Variants in PPP1R16A observed in about 807,000 individuals in gnomAD.
PPP1R16A encodes the protein protein phosphatase 1 regulatory subunit 16A.
A neutral mutation model predicts 46.6 loss-of-function variants in PPP1R16A; 39 were observed. The observed-to-expected ratio is 0.84, with a 90% confidence interval of 0.65 to 1.09. The LOEUF is 1.09. Among genes scored for constraint, PPP1R16A ranks in the 50% least tolerant of loss-of-function variants. The pLI is 0.00. For synonymous variants in PPP1R16A, 413 were observed against 321.5 expected, an observed-to-expected ratio of 1.28 and a Z score of -3.04; for missense variants, 798 against 735.6, an observed-to-expected ratio of 1.08 and a Z score of -0.98.
At chr8:144,488,459 G>A (rs1297945003) in intron 1 of PPP1R16A, among the ~76,000 whole-genome samples, 1 of 152,132 alleles carries the variant, frequency 6.6e-6, no homozygotes, top group African/African-American at 2.4e-5. Flanking sequence ...GAGTGTTGGA[G>A]TCAGGGCTTG....
intron 3 of PPP1R16A, chr8:144,497,763 A>G: frequency 4.0e-6 from 2 of 503,484 alleles, no homozygotes; most frequent in Non-Finnish European, 7.3e-6. Flanking sequence ...AGAAAAACCT[A>G]GTGCGGGGCC....
At position 144,500,375 on chromosome 8, in the gene PPP1R16A, A is replaced by T. The variant is rs979974848; in HGVS notation, c.689A>T (p.Asp230Val). ...QAGADLHAPLDHGATLLHVAA... is the reference protein window; with the variant it reads ...QAGADLHAPLVHGATLLHVAA... ...GGGGCAGACCTCCATGCCCCCCTGGACCACGGGGCCACGCTGGTGAGGGCT... is the reference window on the plus strand; with the variant it reads ...GGGGCAGACCTCCATGCCCCCCTGGTCCACGGGGCCACGCTGGTGAGGGCT... Residue 230 changes from aspartate to valine, a missense_variant, in exon 7 of 12, where the codon GAC becomes GTC. By Grantham distance (152) the Asp-to-Val change is radical. Transcript: ENST00000435887. The T allele has an allele frequency of 2.6e-6, 4 of 1,530,688 alleles. No homozygotes were observed. In the African/African-American group the frequency reaches 5.5e-5, roughly 21 times the overall value. 94.8% of individuals were successfully genotyped at this position (1,530,688 alleles called of 1,614,324 possible).
chr8:144,482,797 C>T (rs1412442507), intron 1 of PPP1R16A, among the ~76,000 whole-genome samples: 1 of 151,936 alleles, frequency 6.6e-6, no homozygotes, highest in Non-Finnish European at 1.5e-5. Flanking sequence ...TACAGGCGCC[C>T]GCCACCACGT....
Position 144,501,531 on chromosome 8 carries a change from C to A in PPP1R16A, c.1215C>A (p.Pro405=). Reference sequence around the variant, plus strand: ...TTCACTGCCCGCAGGAGGACAACCCCGAAGTGGTCAGGCCGCACAATGGCC... The same window carrying A: ...TTCACTGCCCGCAGGAGGACAACCCAGAAGTGGTCAGGCCGCACAATGGCC... ...LRPPPPEEDN[P]EVVRPHNGRV... is the part of the protein sequence containing the mutation. Residue 405 remains proline (P), a synonymous_variant, in exon 12 of 12, where the codon CCC becomes CCA. Transcript: ENST00000435887. 1 of 1,565,046 alleles carries A rather than the reference C, an allele frequency of 6.4e-7. No homozygotes were observed. Among genetic ancestry groups the A allele is most frequent in the Non-Finnish European group, 8.7e-7 (1 of 1,155,304 alleles).
chr8:144,480,847 T>C (rs991058616), intron 1 of PPP1R16A, among the ~76,000 whole-genome samples: 1 of 152,092 alleles, frequency 6.6e-6, no homozygotes, highest in Non-Finnish European at 1.5e-5. Context: ...GCACCTATTT[T>C]AATGGGTTTT....
At position 144,497,206 on chromosome 8, in the gene PPP1R16A, C is replaced by T. The variant is rs1826116114; in HGVS notation, c.12C>T (p.His4=). The T allele has an allele frequency of 1.9e-6, 3 of 1,577,106 alleles. No homozygotes were observed. Among genetic ancestry groups the T allele is most frequent in the Non-Finnish European group, 1.7e-6 (2 of 1,163,802 alleles). MAE[H]LELLAEMPMV... Reference sequence around the variant, plus strand: ...AAGCAGCCGCCGCCATGGCCGAGCACCTGGAGCTGCTGGCAGAGATGCCCA... The same window carrying T: ...AAGCAGCCGCCGCCATGGCCGAGCATCTGGAGCTGCTGGCAGAGATGCCCA... Residue 4 remains histidine, a synonymous_variant, in exon 3 of 12, where the codon CAC becomes CAT. Transcript: ENST00000435887.
Position 144,501,724 on chromosome 8 carries a change from C to G in PPP1R16A, c.1408C>G (p.Arg470Gly). 6.3e-7 allele frequency: 1 copy of G among 1,589,164 alleles called. No homozygotes were observed. Among genetic ancestry groups the G allele is most frequent in the Non-Finnish European group, 8.6e-7 (1 of 1,168,906 alleles). ...CCAGCGAGCTGCTGCCAAGCTGCAG[C>G]GACCCCCACCTGAGGGGCCCGAGAG... ...KRQRAAAKLQRPPPEGPESPE... is the reference protein window; with the variant it reads ...KRQRAAAKLQGPPPEGPESPE... Residue 470 changes from arginine (R) to glycine (G), a missense_variant, in exon 12 of 12, where the codon CGA becomes GGA. Coordinates refer to ENST00000435887, the MANE Select transcript of PPP1R16A (RefSeq NM_001329443.2).
At chr8:144,499,219 G>A (rs747170009) in intron 5 of PPP1R16A, 158 bp downstream of exon 5, 2 of 966,224 alleles carry the variant, frequency 2.1e-6, no homozygotes, top group Admixed American at 2.9e-5. Flanking sequence ...GCAGGGCCTG[G>A]GGCTCCAGGG....
intron 3 of PPP1R16A, chr8:144,498,347 A>G (rs1283073858): frequency 1.5e-5 from 5 of 338,502 alleles, no homozygotes; most frequent in Non-Finnish European, 3.0e-5. Context: ...GGTGGTGGGG[A>G]GCCTCAGGTC....
At chr8:144,479,509 TG>T (rs1825315783) in intron 1 of PPP1R16A, among the ~76,000 whole-genome samples, 1 of 152,144 alleles carries the variant, frequency 6.6e-6, no homozygotes, top group African/African-American at 2.4e-5. Flanking sequence ...GACTCTGCTT[TG>T]CCCCGAGGGT....
intron 5 of PPP1R16A, chr8:144,499,760 G>A (rs1007586613): frequency 4.4e-5 from 13 of 296,070 alleles, no homozygotes; most frequent in African/African-American, 1.9e-4. Context: ...GCCCCTCAGC[G>A]TGGCTGCCTG....
At chr8:144,497,552 A>G in intron 3 of PPP1R16A, 99 bp downstream of exon 3, 2 of 1,528,264 alleles carry the variant, frequency 1.3e-6, no homozygotes, top group South Asian at 1.1e-5. Context: ...GCCTGTCCAC[A>G]GCTCCTGGGC....
intron 1 of PPP1R16A, among the ~76,000 whole-genome samples, chr8:144,483,228 A>G (rs1825509142): frequency 6.6e-6 from 1 of 152,170 alleles, no homozygotes; most frequent in Non-Finnish European, 1.5e-5. Context: ...TGTGTAAAGT[A>G]GGTTTCCTCA....
At chr8:144,499,792 G>A (rs1826315527) in intron 5 of PPP1R16A, 1 of 370,140 alleles carries the variant, frequency 2.7e-6, no homozygotes. Flanking sequence ...CCGCCACCCT[G>A]TGCTCCCTGC....
chr8:144,485,524 G>GA (rs1425294699), intron 1 of PPP1R16A, among the ~76,000 whole-genome samples: 2 of 109,930 alleles, frequency 1.8e-5, no homozygotes, highest in Non-Finnish European at 4.1e-5. Flanking sequence ...ACTCCATCTC[G>GA]GGAAAAAAAA....
chr8:144,480,489 T>C (rs927833460), intron 1 of PPP1R16A, among the ~76,000 whole-genome samples: 2 of 151,102 alleles, frequency 1.3e-5, no homozygotes, highest in Non-Finnish European at 2.9e-5. Flanking sequence ...AATTTTTATA[T>C]CTTTTTTTTT....
chr8:144,488,509 G>A (rs937069549), intron 1 of PPP1R16A, among the ~76,000 whole-genome samples: 2 of 152,168 alleles, frequency 1.3e-5, no homozygotes, highest in African/African-American at 2.4e-5. Context: ...TGGGCAGAGA[G>A]TGGGATGTTG....
At chr8:144,488,946 G>A (rs933992352) in intron 1 of PPP1R16A, among the ~76,000 whole-genome samples, 3 of 151,658 alleles carry the variant, frequency 2.0e-5, no homozygotes, top group Non-Finnish European at 4.4e-5. Flanking sequence ...GCTCACCCCT[G>A]TAATCCCAGC....
chr8:144,500,215 C>G lies in PPP1R16A; in HGVS notation c.580+16C>G, dbSNP rs1196338527. The G allele has an allele frequency of 1.3e-6, 2 of 1,594,834 alleles. No individual in the cohort carries two copies. Among genetic ancestry groups the G allele is most frequent in the African/African-American group, 2.7e-5 (2 of 74,452 alleles). Reference sequence around the variant, plus strand: ...GCCGACCGTGGTAGGTGCGGCGGTGCGGCTGTGGGAGGGCTGCCGGTCGCG... The same window carrying G: ...GCCGACCGTGGTAGGTGCGGCGGTGGGGCTGTGGGAGGGCTGCCGGTCGCG... On this transcript the variant is annotated intron_variant, in intron 6 of 11. Transcript: ENST00000435887.
Sources: gnomAD v4.1 joint callset for allele counts (sites outside exome capture counted in the v4.1 genomes callset) on GRCh38, gnomAD v4.1.1 for gene constraint, MANE v1.5 for transcripts, NCBI Gene and HGNC (gene_info 2026-07-23, HGNC 2026-07-21) for gene names.